The following SFI1 variants were observed in gnomAD, a reference collection of about 807,000 sequenced individuals.
The protein encoded by SFI1 is protein SFI1 homolog.
Under a neutral mutation model 207.5 loss-of-function variants are expected in SFI1, and 195 were observed. The ratio of observed to expected loss-of-function variants is 0.94; its 90% CI spans 0.84 to 1.06. The LOEUF (loss-of-function observed/expected upper bound fraction) is 1.06. SFI1 is among the 50% of genes least tolerant of loss of function. The probability of loss-of-function intolerance (pLI) is 0.00; values close to 1 mark genes in which losing one functional copy is unlikely to be tolerated. For synonymous variants in SFI1, 630 were observed against 598.9 expected (o/e 1.05, Z -0.76); for missense variants, 1,634 against 1,588.0 (o/e 1.03, Z -0.49).
chr22:31,607,410 C>G (rs1164688727), intron 21 of SFI1, among the ~76,000 whole-genome samples: 2 of 151,946 alleles, frequency 1.3e-5, no homozygotes, highest in Non-Finnish European at 2.9e-5. Flanking sequence ...CGAGACCAAC[C>G]TGGCCAACAT....
rs1389482402 is a variant in SFI1 at position 31,590,971 on chromosome 22, ATTTATTTATTTT to A, written c.1544+1401_1544+1412del. On this transcript the variant is annotated intron_variant, in intron 15 of 32. Coordinates refer to ENST00000400288, the MANE Select transcript of SFI1 (RefSeq NM_001007467.3). ...TTTCTTTTTATTTATTTATTTATTT[ATTTATTTATTTT>A]TTTATTGATAATTCTTGGGTGTTTC... 2.4e-3 allele frequency among the ~76,000 whole-genome samples: 77 copies of A among 32,500 alleles called. 3 individuals carry two copies. The highest frequency in any genetic ancestry group is 6.7e-3 in the Admixed American group (23 of 3,434). 21.3% of individuals were successfully genotyped at this position (32,500 alleles called of 152,430 possible). A position where few individuals can be genotyped will look rare whatever the true frequency, so the allele number is the denominator to read the frequency against.
At chr22:31,537,025 C>T (rs1765541884) in intron 4 of SFI1, among the ~76,000 whole-genome samples, 1 of 151,594 alleles carries the variant, frequency 6.6e-6, no homozygotes, top group African/African-American at 2.4e-5. Flanking sequence ...GTTAGGATTA[C>T]AGGCATGAGG....
intron 15 of SFI1, 34 bp from the exon 16 acceptor site, chr22:31,602,173 GTTTGT>G: frequency 1.9e-6 from 3 of 1,541,662 alleles, no homozygotes; most frequent in African/African-American, 2.7e-5. Flanking sequence ...TAATTTTTAT[GTTTGT>G]TTTAAGTGCT....
chr22:31,533,674 C>T (rs1175118613), intron 4 of SFI1, among the ~76,000 whole-genome samples: 2 of 152,144 alleles, frequency 1.3e-5, no homozygotes, highest in Non-Finnish European at 2.9e-5. Flanking sequence ...GTCCCAGCTG[C>T]AAGTGCTAGG....
intron 14 of SFI1, among the ~76,000 whole-genome samples, chr22:31,585,695 GCTCATA>G (rs1302953489): frequency 1.3e-5 from 2 of 152,156 alleles, no homozygotes; most frequent in African/African-American, 4.8e-5. Flanking sequence ...CTCTCCCAGG[GCTCATA>G]CTTTAGCACC....
intron 20 of SFI1, 80 bp from the exon 21 acceptor site, chr22:31,606,248 A>T: frequency 2.3e-6 from 3 of 1,284,990 alleles, no homozygotes; most frequent in Admixed American, 1.7e-5. Flanking sequence ...GTAGGGGAAG[A>T]AGTAGGAATG....
chr22:31,548,768 C>G (rs1298877966), intron 5 of SFI1, among the ~76,000 whole-genome samples: 1 of 151,226 alleles, frequency 6.6e-6, no homozygotes, highest in African/African-American at 2.4e-5. Context: ...AAGATCATGC[C>G]ACTGCACTCC....
intron 5 of SFI1, 90 bp downstream of exon 5, chr22:31,547,061 CTT>C: frequency 4.2e-6 from 4 of 947,444 alleles, no homozygotes. Context: ...AAGAAGCAAA[CTT>C]TGGGTCACTT....
intron 9 of SFI1, among the ~76,000 whole-genome samples, chr22:31,575,030 G>A (rs2063324154): frequency 1.3e-5 from 2 of 150,034 alleles, no homozygotes; most frequent in Non-Finnish European, 3.0e-5. Context: ...CTGCACTCCA[G>A]CCTGGGCAAC....
At chr22:31,556,797 C>G (rs150493298) in intron 6 of SFI1, 145 bp from the exon 7 acceptor site, 6,906 of 524,946 alleles carry the variant, frequency 0.013, 59 homozygotes, top group Non-Finnish European at 0.016. Context: ...AATTAATTTT[C>G]TAGTGCTTCA....
At chr22:31,543,155 A>G (rs1414591087) in intron 4 of SFI1, among the ~76,000 whole-genome samples, 2 of 151,706 alleles carry the variant, frequency 1.3e-5, no homozygotes, top group African/African-American at 4.8e-5. Flanking sequence ...CATTTTTAAT[A>G]GAGATGGGGT....
chr22:31,611,877 C>T (rs55883820), intron 24 of SFI1, 37 bp downstream of exon 24: 108,028 of 1,611,022 alleles, frequency 0.067, 4,299 homozygotes, highest in Admixed American at 0.17. Flanking sequence ...GCACTTCCTT[C>T]TCCATCCTCT....
chr22:31,613,478 C>T lies in SFI1; in HGVS notation c.2690C>T (p.Ala897Val). 1 of 1,599,934 alleles carries T rather than the reference C, an allele frequency of 6.3e-7. No individual in the cohort carries two copies. Among genetic ancestry groups the T allele is most frequent in the South Asian group, 1.1e-5 (1 of 90,490 alleles). ...QEGATRLLRF[A>V]ASMKASRQQL... ...GGTGCCACGCGGCTCCTGCGCTTTG[C>T]AGCCAGCATGAAGGCCTCCCGGCAG... Residue 897 changes from alanine to valine, a missense_variant, in exon 26 of 33, where the codon GCA (alanine) becomes GTA (valine). Physicochemically the swap from Ala to Val is moderately conservative, Grantham distance 64. Coordinates refer to ENST00000400288, the MANE Select transcript of SFI1 (RefSeq NM_001007467.3).
chr22:31,615,071 G>C lies in SFI1; in HGVS notation c.3092G>C (p.Gly1031Ala), dbSNP rs758245346. 1 of 1,609,576 alleles carries C rather than the reference G, an allele frequency of 6.2e-7. No individual in the cohort carries two copies. Among genetic ancestry groups the C allele is most frequent in the Non-Finnish European group, 8.5e-7 (1 of 1,178,212 alleles). ...AGGCCTCAGAAGCCACAGGAACATGGCCTAGGCATGGCTCAGCCAGCAGCC... is the reference window on the plus strand; with the variant it reads ...AGGCCTCAGAAGCCACAGGAACATGCCCTAGGCATGGCTCAGCCAGCAGCC... The part of the protein sequence containing the change: ...SQRPQKPQEH[G>A]LGMAQPAAPS... The change falls in exon 29 of 33, where the codon GGC (glycine) becomes GCC (alanine). Residue 1031 changes from glycine (G) to alanine (A), a missense_variant. Physicochemically the swap from Gly to Ala is moderately conservative, Grantham distance 60. Transcript: ENST00000400288.
chr22:31,500,794 TTTTTG>T (rs1569147813), intron 1 of SFI1, among the ~76,000 whole-genome samples: 4 of 46,774 alleles, frequency 8.6e-5, no homozygotes, highest in Non-Finnish European at 1.9e-4. Flanking sequence ...GTTTGTTTTG[TTTTTG>T]TTTTTTGTTT....
intron 11 of SFI1, among the ~76,000 whole-genome samples, 169 bp downstream of exon 11, chr22:31,578,621 C>T (rs1374644326): frequency 6.6e-6 from 1 of 152,190 alleles, no homozygotes; most frequent in Non-Finnish European, 1.5e-5. Flanking sequence ...TTTTGGATTA[C>T]AGGTGCTAAT....
chr22:31,550,503 C>T, intron 6 of SFI1, 155 bp downstream of exon 6: 2 of 614,648 alleles, frequency 3.3e-6, no homozygotes, highest in East Asian at 2.8e-5. Context: ...AGTGTGATCT[C>T]TGAGTGGGCA....
intron 2 of SFI1, among the ~76,000 whole-genome samples, chr22:31,511,054 G>A (rs2055425644): frequency 6.6e-6 from 1 of 152,090 alleles, no homozygotes; most frequent in African/African-American, 2.4e-5. Context: ...ATATACAGAA[G>A]TTTCTTATAG....
At chr22:31,593,836 C>G (rs1051078354) in intron 15 of SFI1, among the ~76,000 whole-genome samples, 24 of 147,850 alleles carry the variant, frequency 1.6e-4, no homozygotes, top group Non-Finnish European at 3.0e-4. Flanking sequence ...TCCACCAAAA[C>G]CAGTCAGGCG....
Sources: gnomAD v4.1 joint callset for allele counts (sites outside exome capture counted in the v4.1 genomes callset) on GRCh38, gnomAD v4.1.1 for gene constraint, MANE v1.5 for transcripts, NCBI Gene and HGNC (gene_info 2026-07-23, HGNC 2026-07-21) for gene names.